KIAA1217: variants seen among roughly 807,000 people sequenced by gnomAD.
KIAA1217 encodes sickle tail protein homolog.
A neutral mutation model predicts 163.9 loss-of-function variants in KIAA1217; 88 were observed. The ratio of observed to expected loss-of-function variants is 0.54; its 90% CI spans 0.45 to 0.64. KIAA1217 has a LOEUF of 0.64. KIAA1217 is among the 30% of genes least tolerant of loss of function. KIAA1217 has a pLI of 0.00. For synonymous variants in KIAA1217, 903 were observed against 923.1 expected (o/e 0.98, Z 0.39); for missense variants, 2,372 against 2,475.0 (o/e 0.96, Z 0.88).
intron 2 of KIAA1217, among the ~76,000 whole-genome samples, chr10:24,082,342 T>C (rs75953494): frequency 1.3e-5 from 2 of 152,114 alleles, no homozygotes; most frequent in Non-Finnish European, 2.9e-5. Context: ...TATCAACCCA[T>C]CACCTAGGTA....
At chr10:23,945,964 C>T (rs1298145650) in intron 1 of KIAA1217, among the ~76,000 whole-genome samples, 1 of 152,080 alleles carries the variant, frequency 6.6e-6, no homozygotes, top group Non-Finnish European at 1.5e-5. Context: ...CATCCTGAGA[C>T]TATTTGACTG....
chr10:23,810,665 A>G (rs1327993810), intron 1 of KIAA1217, among the ~76,000 whole-genome samples: 1 of 128,834 alleles, frequency 7.8e-6, no homozygotes, highest in Non-Finnish European at 1.5e-5. Flanking sequence ...TATATAATTA[A>G]TCTATATATA....
At chr10:23,857,907 C>T (rs1564482811) in intron 1 of KIAA1217, among the ~76,000 whole-genome samples, 1 of 151,066 alleles carries the variant, frequency 6.6e-6, no homozygotes, top group East Asian at 1.9e-4. Flanking sequence ...AGTGAAAATG[C>T]CATTTTATTA....
intron 10 of KIAA1217, among the ~76,000 whole-genome samples, chr10:24,517,963 C>A (rs1231238525): frequency 6.6e-6 from 1 of 152,110 alleles, no homozygotes; most frequent in Non-Finnish European, 1.5e-5. Flanking sequence ...CCACTGCACT[C>A]CAGCCTGGGT....
intron 2 of KIAA1217, among the ~76,000 whole-genome samples, chr10:24,312,648 G>A (rs546379924): frequency 5.9e-5 from 9 of 152,166 alleles, no homozygotes; most frequent in Middle Eastern, 3.4e-3. Context: ...TGGGCATGGC[G>A]GCTCATGTCT....
chr10:24,063,165 T>C (rs993980354), intron 2 of KIAA1217, among the ~76,000 whole-genome samples: 7 of 152,304 alleles, frequency 4.6e-5, no homozygotes, highest in African/African-American at 1.7e-4. Context: ...TTGTCAATTT[T>C]GGCTTTTGTT....
chr10:24,207,457 T>A (rs1281021871), upstream of KIAA1217, among the ~76,000 whole-genome samples: 1 of 152,176 alleles, frequency 6.6e-6, no homozygotes, highest in Admixed American at 6.5e-5. Context: ...ATTTTGCACC[T>A]AAGGAAATAA....
At chr10:24,458,752 T>C (rs772163288) in intron 5 of KIAA1217, among the ~76,000 whole-genome samples, 33 of 152,166 alleles carry the variant, frequency 2.2e-4, no homozygotes, top group Non-Finnish European at 2.8e-4. Context: ...ACCCAAAATA[T>C]TCATTTTCTT....
At position 24,202,012 on chromosome 10, in the gene KIAA1217, C is replaced by T. The variant is rs148731826; in HGVS notation, c.-170-17614C>T. Among the ~76,000 whole-genome samples, 316 of 152,304 alleles carry T rather than the reference C, an allele frequency of 2.1e-3. 1 individual carries two copies. Among genetic ancestry groups the T allele is most frequent in the African/African-American group, 7.2e-3 (298 of 41,564 alleles). On this transcript the variant is annotated intron_variant, in intron 2 of 18. Transcript: ENST00000376462. Reference sequence around the variant, plus strand: ...GGAGTGCAGGCTGCACGCAGGCAGGCGGCCCAGCCCCGGGTGCTGGGTGAC... The same window carrying T: ...GGAGTGCAGGCTGCACGCAGGCAGGTGGCCCAGCCCCGGGTGCTGGGTGAC...
chr10:23,993,052 G>A lies in KIAA1217; in HGVS notation c.-320-14173G>A, dbSNP rs1459714583. Among the ~76,000 whole-genome samples the A allele has an allele frequency of 4.2e-5, 4 of 94,506 alleles. No homozygotes were observed. The South Asian group carries it at 1.0e-3, about 25-fold the overall frequency. The allele number at this position is 94,506 out of a possible 152,430, so 62.0% of individuals were successfully genotyped here. On this transcript the variant is annotated intron_variant, in intron 1 of 18. Coordinates refer to the KIAA1217 transcript ENST00000376462. ...TCCTTTTTTTTTTTTTTTTTTTTGA[G>A]ATGGAGTCTTACTCTGTTGCCCAGG...
intron 2 of KIAA1217, among the ~76,000 whole-genome samples, chr10:24,322,288 G>A (rs900133334): frequency 3.3e-5 from 5 of 152,134 alleles, no homozygotes; most frequent in Non-Finnish European, 7.4e-5. Flanking sequence ...ATCTACAGAG[G>A]AGTGGGCTCC....
chr10:24,530,722 A>AC (rs1014242588), intron 14 of KIAA1217, among the ~76,000 whole-genome samples: 42 of 151,740 alleles, frequency 2.8e-4, no homozygotes, highest in South Asian at 1.3e-3. Flanking sequence ...GCATAGTGAG[A>AC]CCCCCCTCTT....
chr10:24,387,595 G>C (rs2054190385), intron 3 of KIAA1217, among the ~76,000 whole-genome samples: 2 of 152,172 alleles, frequency 1.3e-5, no homozygotes, highest in Non-Finnish European at 2.9e-5. Context: ...ATTCAATTAG[G>C]AAAAGAGGAA....
intron 1 of KIAA1217, among the ~76,000 whole-genome samples, chr10:23,874,493 A>T (rs905914801): frequency 9.9e-5 from 15 of 151,662 alleles, no homozygotes; most frequent in Admixed American, 7.9e-4. Flanking sequence ...TAGCCCCTAA[A>T]CTCTCACATG....
At position 24,494,624 on chromosome 10, in the gene KIAA1217, A is replaced by G. The variant is rs1380860885; in HGVS notation, c.1784+20A>G. 2.1e-6 allele frequency: 3 copies of G among 1,450,834 alleles called. No individual in the cohort carries two copies. Among genetic ancestry groups the G allele is most frequent in the Non-Finnish European group, 2.9e-6 (3 of 1,042,706 alleles). 89.9% of individuals were successfully genotyped at this position (1,450,834 alleles called of 1,614,324 possible). On this transcript the variant is annotated intron_variant, in intron 7 of 20. Coordinates refer to ENST00000376454, the MANE Select transcript of KIAA1217 (RefSeq NM_019590.5). The stretch of plus-strand genomic sequence containing the variant: ...GTCTAGGTAAAAAAGAAGAAAGCCA[A>G]TGAAAAAAATAATTCAATCTGTTTC...
At chr10:24,410,702 C>A (rs766078889) in intron 3 of KIAA1217, among the ~76,000 whole-genome samples, 1 of 152,176 alleles carries the variant, frequency 6.6e-6, no homozygotes, top group African/African-American at 2.4e-5. Flanking sequence ...AGGTTAATAG[C>A]ACTTTTATAT....
At chr10:23,970,523 T>C (rs1021577727) in intron 1 of KIAA1217, among the ~76,000 whole-genome samples, 1 of 152,150 alleles carries the variant, frequency 6.6e-6, no homozygotes, top group African/African-American at 2.4e-5. Context: ...TCAAAGGGTA[T>C]AAAGTTTCAG....
In KIAA1217 at chr10:23,854,041, CT is replaced by C. The variant is rs540397659; in HGVS notation, c.-320-153182del. Among the ~76,000 whole-genome samples the C allele has an allele frequency of 5.3e-3, 807 of 152,132 alleles. 4 individuals carry two copies. The highest frequency in any genetic ancestry group is 7.6e-3 in the Non-Finnish European group (520 of 67,992). On this transcript the variant is annotated intron_variant, in intron 1 of 18. Transcript: ENST00000376462. The stretch of plus-strand genomic sequence containing the variant: ...AGTTCTGCTCTGATTTTAGTTATTT[CT>C]TGCCTTCTGCTAGCTTTTGAATGTG...
At chr10:24,499,475 G>A (rs550213371) in intron 8 of KIAA1217, among the ~76,000 whole-genome samples, 1 of 152,304 alleles carries the variant, frequency 6.6e-6, no homozygotes, top group African/African-American at 2.4e-5. Flanking sequence ...GCCCACGCCT[G>A]TAATCCCAGC....
Sources: gnomAD v4.1 joint callset for allele counts (sites outside exome capture counted in the v4.1 genomes callset) on GRCh38, gnomAD v4.1.1 for gene constraint, MANE v1.5 for transcripts, NCBI Gene and HGNC (gene_info 2026-07-23, HGNC 2026-07-21) for gene names.